Variants in ROBO2 observed in about 807,000 individuals in gnomAD.
The protein encoded by ROBO2 is roundabout guidance receptor 2, also known as roundabout homolog 2.
A neutral mutation model predicts 160.8 loss-of-function variants in ROBO2; 53 were observed. The observed-to-expected ratio is 0.33, with a 90% CI of 0.26 to 0.41. The LOEUF (loss-of-function observed/expected upper bound fraction) is 0.41. Ranked by LOEUF, ROBO2 falls within the 10% of genes least tolerant of loss-of-function variation. ROBO2 has a pLI of 1.00. For synonymous variants in ROBO2, 664 were observed against 611.7 expected, an observed-to-expected ratio of 1.09 and a Z score of -1.26; for missense variants, 1,577 against 1,722.4, an observed-to-expected ratio of 0.92 and a Z score of 1.49.
At chr3:77,065,916 T>C (rs1479215583) in intron 1 of ROBO2, among the ~76,000 whole-genome samples, 1 of 152,114 alleles carries the variant, frequency 6.6e-6, no homozygotes, top group Non-Finnish European at 1.5e-5. Context: ...AAAATCAAGA[T>C]ACATCTGTTT....
At chr3:77,261,691 C>A (rs756301367) in intron 2 of ROBO2, among the ~76,000 whole-genome samples, 2 of 151,742 alleles carry the variant, frequency 1.3e-5, no homozygotes, top group Admixed American at 6.6e-5. Flanking sequence ...CAAATGGGTT[C>A]ATTACCACAA....
intron 2 of ROBO2, among the ~76,000 whole-genome samples, chr3:77,011,674 T>C (rs957257898): frequency 1.1e-4 from 16 of 152,080 alleles, no homozygotes; most frequent in Admixed American, 7.2e-4. Context: ...AGCTACCTTT[T>C]TCAGGCCTGA....
At chr3:76,266,668 G>A (rs757946020) in intron 2 of ROBO2, among the ~76,000 whole-genome samples, 1 of 152,114 alleles carries the variant, frequency 6.6e-6, no homozygotes, top group Non-Finnish European at 1.5e-5. Context: ...AGCACAAAAA[G>A]GCTAAGTGAT....
intron 1 of ROBO2, among the ~76,000 whole-genome samples, chr3:75,920,422 A>C (rs946593097): frequency 6.6e-6 from 1 of 152,078 alleles, no homozygotes; most frequent in Non-Finnish European, 1.5e-5. Flanking sequence ...ATTCTTTTGC[A>C]TTTGCTGAGG....
chr3:75,964,342 A>G (rs1408084198), intron 2 of ROBO2, among the ~76,000 whole-genome samples: 1 of 151,698 alleles, frequency 6.6e-6, no homozygotes, highest in Middle Eastern at 3.2e-3. Context: ...GTTTTTACGT[A>G]AAGCTTTTAT....
At chr3:77,211,006 G>T (rs569013141) in intron 2 of ROBO2, among the ~76,000 whole-genome samples, 65 of 152,244 alleles carry the variant, frequency 4.3e-4, no homozygotes, top group African/African-American at 1.5e-3. Context: ...CATTTGGGTT[G>T]GTTCCAAGTC....
In ROBO2 at chr3:76,688,734, C is replaced by T. The variant is rs1255644848; in HGVS notation, c.110-409280C>T. Among the ~76,000 whole-genome samples the T allele has an allele frequency of 2.0e-5, 3 of 151,946 alleles. No homozygotes were observed. The South Asian group carries it at 6.2e-4, about 31-fold the overall frequency. ...TTTCCTGTGAATGAGCTGTTTCACTCCTTGTAATCATCTTTCTCATTGATT... is the reference window on the plus strand; with the variant it reads ...TTTCCTGTGAATGAGCTGTTTCACTTCTTGTAATCATCTTTCTCATTGATT... On this transcript the variant is annotated intron_variant, in intron 2 of 26. Coordinates refer to the ROBO2 transcript ENST00000487694.
intron 2 of ROBO2, among the ~76,000 whole-genome samples, chr3:76,699,274 T>C (rs2608127): frequency 0.33 from 50,183 of 152,046 alleles, 9,102 homozygotes; most frequent in East Asian, 0.54. Context: ...CCAGGTCTGT[T>C]GAATAAACAA....
chr3:76,337,984 T>C (rs1332576532), intron 2 of ROBO2, among the ~76,000 whole-genome samples: 3 of 152,110 alleles, frequency 2.0e-5, no homozygotes, highest in African/African-American at 4.8e-5. Context: ...ACTGAACTTG[T>C]TGTTCTGTGA....
intron 1 of ROBO2, among the ~76,000 whole-genome samples, chr3:75,907,847 G>T (rs974920011): frequency 4.0e-5 from 3 of 75,708 alleles, no homozygotes; most frequent in African/African-American, 1.5e-4. Context: ...TTTTTTAATC[G>T]TGTGCGTGTG....
chr3:76,133,775 C>T (rs570473085), intron 2 of ROBO2, among the ~76,000 whole-genome samples: 70 of 152,238 alleles, frequency 4.6e-4, no homozygotes, highest in Non-Finnish European at 8.8e-4. Context: ...CTTCCACCTT[C>T]TTCTATCTGC....
At chr3:76,158,994 T>C (rs1172495949) in intron 2 of ROBO2, among the ~76,000 whole-genome samples, 1 of 152,194 alleles carries the variant, frequency 6.6e-6, no homozygotes, top group Non-Finnish European at 1.5e-5. Context: ...AAAAGAATTA[T>C]AAGTGCAGAA....
chr3:77,144,533 G>A (rs368927806), intron 2 of ROBO2, among the ~76,000 whole-genome samples: 55 of 152,156 alleles, frequency 3.6e-4, no homozygotes, highest in African/African-American at 1.1e-3. Flanking sequence ...TATATAAAAC[G>A]CACATGCATA....
intron 2 of ROBO2, among the ~76,000 whole-genome samples, chr3:77,393,980 A>G (rs1581606673): frequency 2.0e-5 from 3 of 152,314 alleles, no homozygotes; most frequent in Middle Eastern, 3.4e-3. Flanking sequence ...TATTTGACCA[A>G]ACAGTGGCAA....
At chr3:77,366,559 T>C (rs1022407774) in intron 2 of ROBO2, among the ~76,000 whole-genome samples, 2 of 152,130 alleles carry the variant, frequency 1.3e-5, no homozygotes, top group Non-Finnish European at 2.9e-5. Flanking sequence ...TTCATAAGTG[T>C]CTCAGTCTGT....
chr3:77,086,453 C>T (rs1450312629), intron 1 of ROBO2, among the ~76,000 whole-genome samples: 1 of 152,258 alleles, frequency 6.6e-6, no homozygotes, highest in East Asian at 1.9e-4. Flanking sequence ...GTCAGTCCTA[C>T]TGACAGATGA....
chr3:76,758,306 T>G (rs891757354), intron 2 of ROBO2, among the ~76,000 whole-genome samples: 2 of 151,786 alleles, frequency 1.3e-5, no homozygotes, highest in Non-Finnish European at 2.9e-5. Flanking sequence ...GAAAAGATCT[T>G]AAAGACTAGA....
chr3:76,474,479 G>C (rs904346283), intron 2 of ROBO2, among the ~76,000 whole-genome samples: 1 of 152,048 alleles, frequency 6.6e-6, no homozygotes, highest in African/African-American at 2.4e-5. Context: ...ATTACTAAGT[G>C]CCAGGCCCCG....
chr3:76,839,919 G>A lies in ROBO2; in HGVS notation c.110-258095G>A, dbSNP rs576390891. Among the ~76,000 whole-genome samples, 11 of 152,192 alleles carry A rather than the reference G, an allele frequency of 7.2e-5. No individual in the cohort carries two copies. The South Asian group carries it at 1.0e-3, about 14-fold the overall frequency. On this transcript the variant is annotated intron_variant, in intron 2 of 26. Coordinates refer to the ROBO2 transcript ENST00000487694. The stretch of plus-strand genomic sequence containing the variant: ...GTAGATTATATGTATCTTGGACTTC[G>A]TCCATTTCTTTTAGATTTTCTAATT...
Sources: allele counts gnomAD v4.1 joint callset (sites outside exome capture counted in the v4.1 genomes callset), GRCh38; gene constraint gnomAD v4.1.1; transcripts MANE v1.5; gene names NCBI Gene and HGNC (gene_info 2026-07-23, HGNC 2026-07-21).